The following LRIG3 variants were observed in gnomAD, a reference collection of about 807,000 sequenced individuals.
LRIG3 encodes the protein leucine rich repeats and immunoglobulin like domains 3.
A neutral mutation model predicts 114.5 loss-of-function variants in LRIG3; 76 were observed. The observed-to-expected ratio is 0.66, with a 90% CI of 0.55 to 0.80. The LOEUF is 0.80. Ranked by LOEUF, LRIG3 falls within the 30% of genes least tolerant of loss-of-function variation. The pLI, the probability that LRIG3 is intolerant of heterozygous loss-of-function variation, is 0.00. For synonymous variants in LRIG3, 512 were observed against 519.8 expected, an observed-to-expected ratio of 0.98 and a Z score of 0.20; for missense variants, 1,239 against 1,382.8, an observed-to-expected ratio of 0.90 and a Z score of 1.65.
intron 3 of LRIG3, among the ~76,000 whole-genome samples, chr12:58,910,002 A>G (rs77925046): frequency 0.012 from 1,848 of 152,254 alleles, 33 homozygotes; most frequent in East Asian, 0.088. Flanking sequence ...ATGGCTTTCC[A>G]TTGGTAGAGT....
intron 13 of LRIG3, among the ~76,000 whole-genome samples, chr12:58,879,919 T>C (rs192809166): frequency 9.9e-5 from 15 of 152,264 alleles, no homozygotes; most frequent in Non-Finnish European, 1.5e-4. Context: ...CACACACAGA[T>C]CTCTGAATTA....
chr12:58,876,430 A>G lies in LRIG3; in HGVS notation c.2695+15T>C, dbSNP rs201218447. 83 of 1,612,274 alleles carry G rather than the reference A, an allele frequency of 5.1e-5. No individual in the cohort carries two copies. Among genetic ancestry groups the G allele is most frequent in the Non-Finnish European group, 6.4e-5 (76 of 1,178,970 alleles). On this transcript the variant is annotated intron_variant, in intron 16 of 18. Coordinates refer to ENST00000320743, the MANE Select transcript of LRIG3 (RefSeq NM_153377.5). ...TTCAAAACAATTACAGCCCACATTC[A>G]TTTTAAACACTTACCACTACTGTCA... is the stretch of plus-strand genomic sequence containing the variant.
chr12:58,905,468 A>G (rs1282512704), intron 3 of LRIG3, among the ~76,000 whole-genome samples: 1 of 152,226 alleles, frequency 6.6e-6, no homozygotes, highest in East Asian at 1.9e-4. Flanking sequence ...CTTGAGCTGC[A>G]TAAGTTTATT....
intron 14 of LRIG3, among the ~76,000 whole-genome samples, chr12:58,878,280 C>A (rs1300135865): frequency 1.3e-5 from 2 of 152,168 alleles, no homozygotes; most frequent in East Asian, 3.9e-4. Flanking sequence ...AAAACTCTGA[C>A]AATAATTTAC....
At position 58,878,363 on chromosome 12, in the gene LRIG3, A is replaced by G. The variant is rs187589049; in HGVS notation, c.2083+461T>C. On this transcript the variant is annotated intron_variant, in intron 14 of 18. Transcript: ENST00000320743. Reference sequence around the variant, plus strand: ...AGATACGTGAATAATAATTGTGTTTACATTTTTAAAAAGCATTTGTTTAGG... The same window carrying G: ...AGATACGTGAATAATAATTGTGTTTGCATTTTTAAAAAGCATTTGTTTAGG... 5.3e-5 allele frequency among the ~76,000 whole-genome samples: 8 copies of G among 152,354 alleles called. No homozygotes were observed. In the East Asian group the frequency reaches 1.5e-3, roughly 29 times the overall value.
intron 13 of LRIG3, among the ~76,000 whole-genome samples, chr12:58,879,458 C>A (rs1027360384): frequency 3.3e-5 from 5 of 152,150 alleles, no homozygotes; most frequent in Non-Finnish European, 7.3e-5. Flanking sequence ...CCACTCACTT[C>A]ATCTATTTTT....
intron 3 of LRIG3, among the ~76,000 whole-genome samples, chr12:58,892,487 C>T (rs1046736534): frequency 3.3e-5 from 5 of 152,188 alleles, no homozygotes; most frequent in African/African-American, 9.7e-5. Flanking sequence ...TGTAACTCAT[C>T]AGTCTCTCAC....
intron 11 of LRIG3, 57 bp downstream of exon 11, chr12:58,883,463 A>G: frequency 1.6e-6 from 2 of 1,275,896 alleles, no homozygotes; most frequent in Non-Finnish European, 2.2e-6. Context: ...ATGCCACACC[A>G]TATGACAGTT....
intron 1 of LRIG3, among the ~76,000 whole-genome samples, chr12:58,916,521 G>C (rs1345401769): frequency 6.6e-6 from 1 of 152,050 alleles, no homozygotes; most frequent in Non-Finnish European, 1.5e-5. Flanking sequence ...TCCTTACATT[G>C]TTTTTATGGC....
chr12:58,877,883 C>T, intron 14 of LRIG3, 31 bp from the exon 15 acceptor site: 1 of 1,562,334 alleles, frequency 6.4e-7, no homozygotes. Flanking sequence ...TTTAATTTCC[C>T]AAATAAAATT....
intron 8 of LRIG3, 30 bp downstream of exon 8, chr12:58,887,759 C>G: frequency 1.2e-6 from 2 of 1,606,954 alleles, no homozygotes; most frequent in South Asian, 2.2e-5. Context: ...CAATTACGTT[C>G]GAGTACTGAC....
At chr12:58,881,665 G>A (rs1005322805) in intron 12 of LRIG3, among the ~76,000 whole-genome samples, 1 of 152,172 alleles carries the variant, frequency 6.6e-6, no homozygotes, top group African/African-American at 2.4e-5. Flanking sequence ...AACCCAGAAG[G>A]AAACATCTGA....
intron 1 of LRIG3, among the ~76,000 whole-genome samples, chr12:58,916,369 A>C (rs1872483557): frequency 6.6e-6 from 1 of 152,200 alleles, no homozygotes; most frequent in Non-Finnish European, 1.5e-5. Context: ...TGTAGGAGGA[A>C]AAAAAACACC....
chr12:58,916,342 A>G (rs1170775382), intron 1 of LRIG3, among the ~76,000 whole-genome samples: 1 of 152,202 alleles, frequency 6.6e-6, no homozygotes, highest in Non-Finnish European at 1.5e-5. Context: ...TTTGTGTACT[A>G]TTAAAACTAC....
intron 9 of LRIG3, among the ~76,000 whole-genome samples, chr12:58,886,563 T>C (rs1871282602): frequency 6.6e-6 from 1 of 152,248 alleles, no homozygotes; most frequent in South Asian, 2.1e-4. Context: ...ATGAAAATTA[T>C]TATGAGGATA....
intron 1 of LRIG3, among the ~76,000 whole-genome samples, chr12:58,917,438 G>A (rs1872517643): frequency 6.6e-6 from 1 of 152,152 alleles, no homozygotes; most frequent in East Asian, 1.9e-4. Flanking sequence ...TGGCAGTTGT[G>A]AGCAAGGCTT....
chr12:58,906,109 G>C (rs1872054703), intron 3 of LRIG3, among the ~76,000 whole-genome samples: 1 of 152,076 alleles, frequency 6.6e-6, no homozygotes, highest in Admixed American at 6.6e-5. Context: ...ACTCAGATCA[G>C]AGTATAAGGA....
At chr12:58,898,711 T>C (rs925379321) in intron 3 of LRIG3, among the ~76,000 whole-genome samples, 13 of 152,094 alleles carry the variant, frequency 8.5e-5, no homozygotes, top group African/African-American at 2.7e-4. Context: ...CACGGTGGAG[T>C]GCAGTGGCAC....
At position 58,888,843 on chromosome 12, in the gene LRIG3, C is replaced by CAA; in HGVS notation, c.777_778dup (p.Trp260PhefsTer4). The CAA allele has an allele frequency of 6.2e-7, 1 of 1,613,712 alleles. No homozygotes were observed. Among genetic ancestry groups the CAA allele is most frequent in the Non-Finnish European group, 8.5e-7 (1 of 1,179,792 alleles). On this transcript the variant is annotated frameshift_variant, in exon 6 of 19. Coordinates refer to ENST00000320743, the MANE Select transcript of LRIG3 (RefSeq NM_153377.5). LOFTEE classifies it high-confidence loss of function. ...CAAAATTTCCATGTTGCTCAGCCCC[C>CAA]AAAAAGCTCCATCCATAAGTTTCGT...
Sources: gnomAD v4.1 joint callset for allele counts (sites outside exome capture counted in the v4.1 genomes callset) on GRCh38, gnomAD v4.1.1 for gene constraint, MANE v1.5 for transcripts, NCBI Gene and HGNC (gene_info 2026-07-23, HGNC 2026-07-21) for gene names.